Variants in CCDC178 observed in about 807,000 individuals in gnomAD.
CCDC178 encodes coiled-coil domain containing 178.
CCDC178 carries 126 observed loss-of-function variants against 117.4 expected under a neutral mutation model. The ratio of observed to expected loss-of-function variants is 1.07; its 90% CI spans 0.93 to 1.24. CCDC178 has a LOEUF of 1.24. CCDC178 is among the 50% of genes most tolerant of loss of function. CCDC178 has a pLI of 0.00. For synonymous variants in CCDC178, 283 were observed against 313.4 expected, an observed-to-expected ratio of 0.90 and a Z score of 1.02; for missense variants, 1,030 against 986.9, an observed-to-expected ratio of 1.04 and a Z score of -0.59.
chr18:32,957,897 A>T (rs2144649929), intron 22 of CCDC178: 1 of 180,056 alleles, frequency 5.6e-6, no homozygotes, highest in African/African-American at 2.3e-5. Context: ...AGATCTTTCA[A>T]ATAAATCATC....
At chr18:33,214,310 T>G (rs1477313336) in intron 19 of CCDC178, among the ~76,000 whole-genome samples, 2 of 152,110 alleles carry the variant, frequency 1.3e-5, no homozygotes, top group African/African-American at 2.4e-5. Flanking sequence ...ATACCATCAC[T>G]GCTAATTAAT....
intron 12 of CCDC178, among the ~76,000 whole-genome samples, chr18:33,280,190 C>T (rs1235876585): frequency 5.3e-5 from 8 of 151,988 alleles, no homozygotes; most frequent in Non-Finnish European, 1.0e-4. Flanking sequence ...AGAAAATTTT[C>T]GCAACCTATT....
chr18:33,104,507 C>A (rs541097972), intron 20 of CCDC178, among the ~76,000 whole-genome samples: 9 of 151,734 alleles, frequency 5.9e-5, no homozygotes, highest in African/African-American at 2.2e-4. Flanking sequence ...ATAAAACATT[C>A]AAAACATTCA....
At chr18:33,143,610 T>C (rs555522406) in intron 20 of CCDC178, among the ~76,000 whole-genome samples, 2 of 152,246 alleles carry the variant, frequency 1.3e-5, no homozygotes, top group South Asian at 4.1e-4. Flanking sequence ...CTAATATTAT[T>C]ATATAGAGAT....
chr18:33,379,589 C>T (rs922787770), intron 5 of CCDC178, among the ~76,000 whole-genome samples: 1 of 152,134 alleles, frequency 6.6e-6, no homozygotes, highest in African/African-American at 2.4e-5. Context: ...ATCCAATAGG[C>T]AGCCTCTAGG....
intron 21 of CCDC178, among the ~76,000 whole-genome samples, chr18:33,001,215 A>G (rs1386293926): frequency 6.6e-6 from 1 of 152,164 alleles, no homozygotes; most frequent in Non-Finnish European, 1.5e-5. Context: ...AAAACATACA[A>G]GTACATAGAA....
At chr18:33,199,657 T>C (rs1366397520) in intron 20 of CCDC178, among the ~76,000 whole-genome samples, 3 of 152,202 alleles carry the variant, frequency 2.0e-5, no homozygotes, top group Non-Finnish European at 4.4e-5. Flanking sequence ...TTGTTGCCGC[T>C]ATTCTTACTC....
rs899860574 is a variant in CCDC178, at chr18:33,356,319, C to T, written c.371+5G>A. The T allele has an allele frequency of 6.8e-7, 1 of 1,478,754 alleles. No homozygotes were observed. The highest frequency in any genetic ancestry group is 9.1e-7 in the Non-Finnish European group (1 of 1,094,390). 91.6% of individuals were successfully genotyped at this position (1,478,754 alleles called of 1,614,324 possible). A position where few individuals can be genotyped will look rare whatever the true frequency, so the allele number is the denominator to read the frequency against. ...ATAGTTTTAAAAAGCATGAAATTTTCTTACCATTCTTCAAAAGAAGTTTCA... is the reference window on the plus strand; with the variant it reads ...ATAGTTTTAAAAAGCATGAAATTTTTTTACCATTCTTCAAAAGAAGTTTCA... On this transcript the variant is annotated splice_donor_5th_base_variant and intron_variant, in intron 7 of 22. Transcript: ENST00000383096.
chr18:33,230,724 A>T (rs556469503), intron 15 of CCDC178, among the ~76,000 whole-genome samples: 2 of 152,296 alleles, frequency 1.3e-5, no homozygotes, highest in South Asian at 4.1e-4. Flanking sequence ...AAGGCCTTTG[A>T]GATGTTTTTC....
At chr18:33,232,682 G>C (rs1410078675) in intron 15 of CCDC178, among the ~76,000 whole-genome samples, 1 of 152,064 alleles carries the variant, frequency 6.6e-6, no homozygotes, top group African/African-American at 2.4e-5. Flanking sequence ...CTTTCTTTTT[G>C]TACGAAAGTA....
intron 20 of CCDC178, among the ~76,000 whole-genome samples, chr18:33,124,913 T>C (rs901557562): frequency 2.6e-5 from 4 of 152,222 alleles, no homozygotes; most frequent in African/African-American, 9.6e-5. Flanking sequence ...TTGGTTTTAG[T>C]ATCTGCTAAC....
chr18:33,215,231 A>G (rs892238543), intron 19 of CCDC178, among the ~76,000 whole-genome samples: 2 of 152,064 alleles, frequency 1.3e-5, no homozygotes, highest in African/African-American at 4.8e-5. Context: ...ATTATTAAAC[A>G]TGGAGTATAA....
intron 21 of CCDC178, among the ~76,000 whole-genome samples, chr18:33,073,437 C>T (rs1005860314): frequency 3.3e-5 from 5 of 152,016 alleles, no homozygotes; most frequent in Admixed American, 6.6e-5. Flanking sequence ...TATACTCAGA[C>T]AATTCTGTAT....
intron 9 of CCDC178, among the ~76,000 whole-genome samples, chr18:33,342,683 A>G (rs1020654304): frequency 2.0e-5 from 3 of 152,216 alleles, no homozygotes; most frequent in African/African-American, 7.2e-5. Context: ...CCCAACATAC[A>G]GCCTTGAGCC....
At chr18:32,974,161 CT>C (rs1174194074) in intron 22 of CCDC178, among the ~76,000 whole-genome samples, 1 of 152,038 alleles carries the variant, frequency 6.6e-6, no homozygotes, top group African/African-American at 2.4e-5. Context: ...AACAGTTAAA[CT>C]AAGTAAACAT....
intron 14 of CCDC178, among the ~76,000 whole-genome samples, chr18:33,252,425 A>G (rs368706850): frequency 6.6e-6 from 1 of 151,802 alleles, no homozygotes; most frequent in East Asian, 1.9e-4. Context: ...GATGATGTAT[A>G]TATCATTTTA....
intron 10 of CCDC178, among the ~76,000 whole-genome samples, chr18:33,325,420 T>C (rs193210934): frequency 2.0e-5 from 3 of 152,154 alleles, no homozygotes; most frequent in Admixed American, 2.0e-4. Flanking sequence ...CTTTGGCAAA[T>C]AATTTAAGTA....
intron 20 of CCDC178, among the ~76,000 whole-genome samples, chr18:33,178,975 A>G (rs1363702947): frequency 1.4e-5 from 2 of 146,770 alleles, no homozygotes; most frequent in African/African-American, 5.1e-5. Flanking sequence ...TTTTATATAC[A>G]ACTTTCAACA....
intron 14 of CCDC178, 105 bp from the exon 15 acceptor site, chr18:33,245,533 C>G: frequency 3.4e-6 from 4 of 1,168,138 alleles, no homozygotes; most frequent in Non-Finnish European, 3.3e-6. Flanking sequence ...GTCAAAAATA[C>G]AAAATTGCTG....
Sources: allele counts gnomAD v4.1 joint callset (sites outside exome capture counted in the v4.1 genomes callset), GRCh38; gene constraint gnomAD v4.1.1; transcripts MANE v1.5; gene names NCBI Gene and HGNC (gene_info 2026-07-23, HGNC 2026-07-21).